The following PDE4D variants were observed in gnomAD, a reference collection of about 807,000 sequenced individuals.
PDE4D encodes 3',5'-cyclic-AMP phosphodiesterase 4D.
A neutral mutation model predicts 87.4 loss-of-function variants in PDE4D; 24 were observed. The ratio of observed to expected loss-of-function variants is 0.27; its 90% CI spans 0.20 to 0.39. The LOEUF (loss-of-function observed/expected upper bound fraction) is 0.39. Ranked by LOEUF, PDE4D falls within the 10% of genes least tolerant of loss-of-function variation. The probability of loss-of-function intolerance (pLI) is 1.00; values close to 1 mark genes in which losing one functional copy is unlikely to be tolerated. For synonymous variants in PDE4D, 384 were observed against 383.2 expected (o/e 1.00, Z -0.02); for missense variants, 714 against 1,041.0 (o/e 0.69, Z 4.32).
chr5:60,016,025 CTGTG>C (rs70975359), intron 2 of PDE4D, among the ~76,000 whole-genome samples: 183 of 146,776 alleles, frequency 1.2e-3, no homozygotes, highest in African/African-American at 2.2e-3. Context: ...CTCTCTCTCT[CTGTG>C]TGTGTGTGTG....
chr5:59,528,608 T>C (rs1390166940), intron 1 of PDE4D, among the ~76,000 whole-genome samples: 2 of 152,244 alleles, frequency 1.3e-5, no homozygotes, highest in East Asian at 3.9e-4. Flanking sequence ...AAAAAGTCTC[T>C]ATGATGTTCT....
intron 1 of PDE4D, among the ~76,000 whole-genome samples, chr5:59,502,662 TAGTGTGTG>T (rs1562295579): frequency 3.6e-5 from 4 of 111,404 alleles, no homozygotes; most frequent in African/African-American, 1.4e-4. Flanking sequence ...TTCCTTAAGG[TAGTGTGTG>T]TGTGTGTGTG....
intron 1 of PDE4D, among the ~76,000 whole-genome samples, chr5:59,505,426 G>T (rs1215180631): frequency 6.6e-6 from 1 of 152,190 alleles, no homozygotes; most frequent in Non-Finnish European, 1.5e-5. Context: ...ATAAGGGTAT[G>T]TGGTATCATT....
chr5:59,411,450 G>T (rs937429924), intron 1 of PDE4D, among the ~76,000 whole-genome samples: 1 of 152,162 alleles, frequency 6.6e-6, no homozygotes, highest in Admixed American at 6.5e-5. Flanking sequence ...CCACAGATTG[G>T]GTGGCTTACA....
intron 2 of PDE4D, among the ~76,000 whole-genome samples, chr5:60,050,141 T>C (rs955507429): frequency 6.6e-6 from 1 of 152,184 alleles, no homozygotes; most frequent in Non-Finnish European, 1.5e-5. Flanking sequence ...GTGCTGTCTG[T>C]CACCCCTTTC....
At chr5:59,125,479 T>C (rs1309082353) in intron 5 of PDE4D, among the ~76,000 whole-genome samples, 15 of 152,218 alleles carry the variant, frequency 9.9e-5, no homozygotes, top group Non-Finnish European at 2.9e-5. Flanking sequence ...GCAGTGAACC[T>C]GAGCCTGCTC....
chr5:59,452,493 A>T (rs1054136001), intron 1 of PDE4D, among the ~76,000 whole-genome samples: 1 of 152,170 alleles, frequency 6.6e-6, no homozygotes, highest in Non-Finnish European at 1.5e-5. Context: ...GCTAAAAAGG[A>T]GGGCTGATGT....
intron 1 of PDE4D, among the ~76,000 whole-genome samples, chr5:59,715,090 C>T (rs964398939): frequency 1.3e-5 from 2 of 152,232 alleles, no homozygotes; most frequent in African/African-American, 4.8e-5. Context: ...TGCTGCCCTT[C>T]GGGCTCATGA....
chr5:60,077,291 G>A (rs1773402777), intron 2 of PDE4D, among the ~76,000 whole-genome samples: 2 of 152,210 alleles, frequency 1.3e-5, no homozygotes, highest in Admixed American at 1.3e-4. Context: ...GGGTAAGGAA[G>A]GCAAAGTCTG....
At chr5:59,979,491 T>C (rs1475561493) in intron 3 of PDE4D, among the ~76,000 whole-genome samples, 1 of 151,574 alleles carries the variant, frequency 6.6e-6, no homozygotes, top group Non-Finnish European at 1.5e-5. Context: ...AATTACGTCA[T>C]GGTAAAATTC....
intron 1 of PDE4D, among the ~76,000 whole-genome samples, chr5:59,804,133 C>T (rs764794054): frequency 2.0e-5 from 3 of 152,166 alleles, no homozygotes. Context: ...ATCACCGGAG[C>T]AGTGTACACT....
intron 1 of PDE4D, among the ~76,000 whole-genome samples, chr5:59,841,775 CA>C (rs1386042541): frequency 6.6e-6 from 1 of 151,940 alleles, no homozygotes; most frequent in Non-Finnish European, 1.5e-5. Context: ...CTTAAATAAA[CA>C]GTAGAAGTTA....
chr5:59,959,663 G>A (rs1218807716), intron 3 of PDE4D, among the ~76,000 whole-genome samples: 1 of 152,076 alleles, frequency 6.6e-6, no homozygotes, highest in Non-Finnish European at 1.5e-5. Context: ...ACCACATGCA[G>A]AAGAATGAAA....
intron 6 of PDE4D, among the ~76,000 whole-genome samples, chr5:59,028,285 G>A (rs1756612849): frequency 6.6e-6 from 1 of 151,928 alleles, no homozygotes; most frequent in Admixed American, 6.6e-5. Context: ...TGATTAATGG[G>A]GGAGAAGAGT....
At chr5:60,147,525 C>G (rs1002667110) in intron 2 of PDE4D, among the ~76,000 whole-genome samples, 5 of 152,194 alleles carry the variant, frequency 3.3e-5, no homozygotes, top group African/African-American at 4.8e-5. Context: ...TTAATCATGA[C>G]CAGTCAAGAT....
At chr5:59,159,455 T>C (rs1198561230) in intron 5 of PDE4D, among the ~76,000 whole-genome samples, 1 of 152,126 alleles carries the variant, frequency 6.6e-6, no homozygotes, top group African/African-American at 2.4e-5. Context: ...ACATGTACAA[T>C]TATATTGTGT....
chr5:60,106,108 A>C (rs1776879226), intron 2 of PDE4D, among the ~76,000 whole-genome samples: 1 of 152,012 alleles, frequency 6.6e-6, no homozygotes, highest in African/African-American at 2.4e-5. Context: ...GTATTCAGGA[A>C]ACCCATCTCA....
intron 1 of PDE4D, among the ~76,000 whole-genome samples, chr5:59,223,640 C>G (rs998322560): frequency 2.0e-5 from 3 of 152,128 alleles, no homozygotes; most frequent in African/African-American, 7.2e-5. Context: ...TGATACTTCT[C>G]TATTGAAAAT....
At chr5:60,181,258 A>C (rs1051256158) in intron 2 of PDE4D, among the ~76,000 whole-genome samples, 1 of 152,166 alleles carries the variant, frequency 6.6e-6, no homozygotes, top group African/African-American at 2.4e-5. Context: ...AAAAAAATAT[A>C]TATTTTCTTA....
Sources: allele counts gnomAD v4.1 joint callset (sites outside exome capture counted in the v4.1 genomes callset), GRCh38; gene constraint gnomAD v4.1.1; transcripts MANE v1.5; gene names NCBI Gene and HGNC (gene_info 2026-07-23, HGNC 2026-07-21).